The following PLGRKT variants were observed in gnomAD, a reference collection of about 807,000 sequenced individuals.
PLGRKT encodes the protein plasminogen receptor with a C-terminal lysine.
PLGRKT carries 22 observed loss-of-function variants against 18.5 expected under a neutral mutation model. The ratio of observed to expected loss-of-function variants is 1.19; its 90% CI spans 0.85 to 1.70. PLGRKT has a LOEUF of 1.70. Ranked by LOEUF, PLGRKT falls within the 40% of genes most tolerant of loss-of-function variation. PLGRKT has a pLI of 0.00. For missense variants in PLGRKT, 235 were observed against 174.4 expected (o/e 1.35, Z -1.96); for synonymous variants, 72 against 52.8 (o/e 1.36, Z -1.58).
At chr9:5,428,565 G>T (rs1007503816) in intron 3 of PLGRKT, among the ~76,000 whole-genome samples, 1 of 152,210 alleles carries the variant, frequency 6.6e-6, no homozygotes, top group Admixed American at 6.5e-5. Flanking sequence ...CACCCATTCT[G>T]GGACGAGGAG....
chr9:5,393,580 G>C (rs1393851476), intron 3 of PLGRKT, among the ~76,000 whole-genome samples: 1 of 151,654 alleles, frequency 6.6e-6, no homozygotes, highest in Non-Finnish European at 1.5e-5. Context: ...GAGAATCACA[G>C]AACAAGAGAA....
intron 3 of PLGRKT, among the ~76,000 whole-genome samples, chr9:5,424,443 T>C (rs936089038): frequency 3.8e-4 from 41 of 108,046 alleles, no homozygotes; most frequent in African/African-American, 1.4e-3. Context: ...TTATAAAATA[T>C]ATTATATATT....
At chr9:5,359,695 G>C (rs940818837) in intron 5 of PLGRKT, among the ~76,000 whole-genome samples, 1 of 152,112 alleles carries the variant, frequency 6.6e-6, no homozygotes, top group African/African-American at 2.4e-5. Context: ...TAAGTTTTCT[G>C]ATGAATTTGA....
intron 3 of PLGRKT, chr9:5,392,736 C>T (rs191258531): frequency 6.6e-6 from 1 of 152,016 alleles, no homozygotes; most frequent in East Asian, 1.9e-4. Context: ...TAGTAACTGG[C>T]ATTTAATAAG....
intron 2 of PLGRKT, among the ~76,000 whole-genome samples, chr9:5,432,345 G>A (rs1001891741): frequency 6.6e-6 from 1 of 152,180 alleles, no homozygotes; most frequent in Non-Finnish European, 1.5e-5. Context: ...GGGAAGGGTG[G>A]ATACCATCCA....
chr9:5,414,628 G>C (rs1818424762), intron 3 of PLGRKT, among the ~76,000 whole-genome samples: 1 of 152,220 alleles, frequency 6.6e-6, no homozygotes, highest in Non-Finnish European at 1.5e-5. Context: ...GGAGCCGGGA[G>C]AAACTAACCT....
chr9:5,431,766 T>C (rs866753139), intron 3 of PLGRKT, 131 bp downstream of exon 3: 2 of 593,178 alleles, frequency 3.4e-6, no homozygotes, highest in East Asian at 2.8e-5. Context: ...AGCCATTTTA[T>C]CTTGGTTTTA....
intron 3 of PLGRKT, among the ~76,000 whole-genome samples, chr9:5,364,209 AG>A (rs1817331557): frequency 6.6e-6 from 1 of 152,230 alleles, no homozygotes; most frequent in Non-Finnish European, 1.5e-5. Flanking sequence ...AGGTAAAATC[AG>A]GCATCCATAA....
intron 2 of PLGRKT, among the ~76,000 whole-genome samples, chr9:5,435,126 C>T (rs955551832): frequency 9.2e-5 from 14 of 152,036 alleles, no homozygotes; most frequent in Admixed American, 2.0e-4. Context: ...ACAGCATGCT[C>T]GTTAAGAGTC....
chr9:5,358,515 T>G (rs1255578214), intron 5 of PLGRKT, among the ~76,000 whole-genome samples, 155 bp from the exon 6 acceptor site: 2 of 152,260 alleles, frequency 1.3e-5, no homozygotes, highest in African/African-American at 2.4e-5. Context: ...AGTAATATAC[T>G]TCCCAGAGGA....
chr9:5,424,358 TA>T (rs1353692698), intron 3 of PLGRKT, among the ~76,000 whole-genome samples: 1 of 132,690 alleles, frequency 7.5e-6, no homozygotes, highest in African/African-American at 2.8e-5. Context: ...TAATAACATA[TA>T]ATACATAATG....
At chr9:5,363,460 G>A (rs907029604) in intron 3 of PLGRKT, among the ~76,000 whole-genome samples, 1 of 151,934 alleles carries the variant, frequency 6.6e-6, no homozygotes, top group Non-Finnish European at 1.5e-5. Context: ...TCAATCTTCA[G>A]CTACCTTCTC....
chr9:5,436,394 A>G (rs1027955756), intron 2 of PLGRKT, among the ~76,000 whole-genome samples, 175 bp downstream of exon 2: 18 of 152,252 alleles, frequency 1.2e-4, no homozygotes, highest in Non-Finnish European at 2.1e-4. Flanking sequence ...AAACATTTAT[A>G]AAGAAAACAA....
chr9:5,409,469 C>G (rs984921520), intron 3 of PLGRKT, among the ~76,000 whole-genome samples: 1 of 152,182 alleles, frequency 6.6e-6, no homozygotes, highest in African/African-American at 2.4e-5. Context: ...TATCCTTGCT[C>G]CTTAGCCTGC....
At position 5,435,480 on chromosome 9, in the gene PLGRKT, C is replaced by G. The variant is rs533385151; in HGVS notation, c.-7+1089G>C. 4.6e-5 allele frequency among the ~76,000 whole-genome samples: 7 copies of G among 152,292 alleles called. No individual in the cohort carries two copies. The East Asian group carries it at 9.6e-4, about 21-fold the overall frequency. On this transcript the variant is annotated intron_variant, in intron 2 of 5. Transcript: ENST00000223864. ...TTAGCCATCCTCCTCCAGCTTCACT[C>G]TCATTCTCTCCAAGATAGCATGTAC...
chr9:5,398,441 T>A (rs1174833871), intron 3 of PLGRKT, among the ~76,000 whole-genome samples: 5 of 152,026 alleles, frequency 3.3e-5, no homozygotes, highest in Non-Finnish European at 7.3e-5. Context: ...CACAAGGTTT[T>A]GCCTGGAGGA....
chr9:5,381,772 T>C (rs548918210), intron 3 of PLGRKT: 2 of 480,842 alleles, frequency 4.2e-6, no homozygotes, highest in African/African-American at 2.1e-5. Flanking sequence ...AGGATTTTAT[T>C]GTTTGGAAGT....
intron 3 of PLGRKT, among the ~76,000 whole-genome samples, chr9:5,402,218 G>A (rs1357620941): frequency 4.6e-5 from 7 of 151,822 alleles, no homozygotes; most frequent in Non-Finnish European, 1.0e-4. Context: ...GTCAACAGAA[G>A]GTAGAGATAG....
intron 3 of PLGRKT, among the ~76,000 whole-genome samples, chr9:5,429,065 T>G (rs1327471971): frequency 6.6e-6 from 1 of 152,084 alleles, no homozygotes; most frequent in African/African-American, 2.4e-5. Context: ...GTAAGCAAAC[T>G]TCACAATGAG....
Sources: allele counts gnomAD v4.1 joint callset (sites outside exome capture counted in the v4.1 genomes callset), GRCh38; gene constraint gnomAD v4.1.1; transcripts MANE v1.5; gene names NCBI Gene and HGNC (gene_info 2026-07-23, HGNC 2026-07-21).